The following ZNF641 variants were observed in gnomAD, a reference collection of about 807,000 sequenced individuals.
The protein encoded by ZNF641 is zinc finger protein 641.
ZNF641 carries 26 observed loss-of-function variants against 46.2 expected under a neutral mutation model. The ratio of observed to expected loss-of-function variants is 0.56; its 90% CI spans 0.41 to 0.78. The LOEUF (loss-of-function observed/expected upper bound fraction) is 0.78. Among genes scored for constraint, ZNF641 ranks in the 30% least tolerant of loss-of-function variants. The pLI is 0.00. For missense variants in ZNF641, 469 were observed against 517.8 expected, an observed-to-expected ratio of 0.91 and a Z score of 0.91; for synonymous variants, 163 against 187.9, an observed-to-expected ratio of 0.87 and a Z score of 1.09.
intron 2 of ZNF641, 83 bp downstream of exon 2, chr12:48,347,824 A>G (rs1245505424): frequency 7.3e-7 from 1 of 1,372,502 alleles, no homozygotes; most frequent in African/African-American, 1.4e-5. Context: ...GTCCATGGCA[A>G]TTTGGAGATT....
At position 48,345,909 on chromosome 12, in the gene ZNF641, C is replaced by T. The variant is rs936459478; in HGVS notation, c.277-435G>A. ...TTCTTTCTTGCCTCCCTTGCCACAG[C>T]ATTTTTTTTTTTTTGAGACGGAGTC... On this transcript the variant is annotated intron_variant, in intron 3 of 5. Transcript: ENST00000547026. Among the ~76,000 whole-genome samples, 24 of 92,490 alleles carry T rather than the reference C, an allele frequency of 2.6e-4. 2 individuals are homozygous for T. The highest frequency in any genetic ancestry group is 2.5e-3 in the Admixed American group (24 of 9,468). 60.7% of individuals were successfully genotyped at this position (92,490 alleles called of 152,430 possible).
In ZNF641 at chr12:48,344,704, T is replaced by A; in HGVS notation, c.415A>T (p.Ile139Phe). ...TGAGAAAGCATGTCCAGTTTGGGAA[T>A]TGGAAATCCTGCTCATGGGAAAGGA... ...CGIVVSLRFP[I>F]PKLDMLSQLE... is the part of the protein sequence containing the mutation. Residue 139 changes from isoleucine (I) to phenylalanine (F), a missense_variant, in exon 5 of 6, where the codon ATT (isoleucine) becomes TTT (phenylalanine). Ile to Phe is a conservative substitution (Grantham distance 21, BLOSUM62 0). This residue lies in a region of ZNF641 where 346 missense variants were observed against 354.0 expected (regional missense o/e 0.98). Transcript: ENST00000547026. 6.2e-7 allele frequency: 1 copy of A among 1,605,310 alleles called. No individual in the cohort carries two copies. The highest frequency in any genetic ancestry group is 8.5e-7 in the Non-Finnish European group (1 of 1,174,866).
chr12:48,349,644 C>T (rs1184529821), intron 1 of ZNF641, among the ~76,000 whole-genome samples: 1 of 152,200 alleles, frequency 6.6e-6, no homozygotes, highest in Non-Finnish European at 1.5e-5. Flanking sequence ...CTCATGGGAG[C>T]ACCCTGGACT....
chr12:48,350,979 G>A (rs1160024940), upstream of ZNF641: 2 of 382,244 alleles, frequency 5.2e-6, no homozygotes, highest in Admixed American at 6.4e-5. Context: ...CTGCGGCGGC[G>A]GAGGTGCGGG....
At position 48,343,534 on chromosome 12, in the gene ZNF641, C is replaced by A. The variant is rs1280145111; in HGVS notation, c.714G>T (p.Leu238=). ...ACAGGGAATCCATCTCTGTGCTACA[C>A]AGCAGGTTTGAGAAACTATCTTCCT... is the stretch of plus-strand genomic sequence containing the variant. ...FLQEDSFSNL[L]CSTEMDSLLR... The change falls in exon 6 of 6, where the codon CTG becomes CTT. Residue 238 remains leucine (L), a synonymous_variant. Coordinates refer to ENST00000547026, the MANE Select transcript of ZNF641 (RefSeq NM_001172681.2). 6.2e-7 allele frequency: 1 copy of A among 1,608,554 alleles called. No homozygotes were observed. Among genetic ancestry groups the A allele is most frequent in the African/African-American group, 1.3e-5 (1 of 74,776 alleles).
intron 3 of ZNF641, among the ~76,000 whole-genome samples, chr12:48,346,155 C>T (rs970763439): frequency 6.6e-6 from 1 of 152,084 alleles, no homozygotes; most frequent in African/African-American, 2.4e-5. Context: ...TTGCCCACCT[C>T]GGCCTCCCAA....
rs139611886 is a variant in ZNF641 at position 48,345,607 on chromosome 12, G to C, written c.277-133C>G. The C allele has an allele frequency of 3.5e-4, 377 of 1,074,316 alleles. 4 individuals carry two copies. The African/African-American group carries it at 5.5e-3, about 16-fold the overall frequency. The allele number at this position is 1,074,316 out of a possible 1,614,324, so 66.5% of individuals were successfully genotyped here. On this transcript the variant is annotated intron_variant, in intron 3 of 5. Coordinates refer to ENST00000547026, the MANE Select transcript of ZNF641 (RefSeq NM_001172681.2). ...AAAAGAGCTGCCCAGAAGTCCCTGGGTAGGGCACATAGTTTTGGTAACAGG... is the reference window on the plus strand; with the variant it reads ...AAAAGAGCTGCCCAGAAGTCCCTGGCTAGGGCACATAGTTTTGGTAACAGG...
intron 3 of ZNF641, among the ~76,000 whole-genome samples, chr12:48,345,694 G>C (rs1176639041): frequency 2.0e-5 from 3 of 152,240 alleles, no homozygotes; most frequent in Non-Finnish European, 4.4e-5. Context: ...GTTACTGGAG[G>C]AATTTCCCAA....
Position 48,341,757 on chromosome 12 carries a change from C to T in ZNF641, c.*1216G>A, listed in dbSNP as rs906942928. 1 of 985,456 alleles carries T rather than the reference C, an allele frequency of 1.0e-6. No individual in the cohort carries two copies. Among genetic ancestry groups the T allele is most frequent in the Non-Finnish European group, 1.2e-6 (1 of 829,944 alleles). The allele number at this position is 985,456 out of a possible 1,614,324, so 61.0% of individuals were successfully genotyped here. The stretch of plus-strand genomic sequence containing the variant: ...AATCAACAAGAAACAGCTCACCTCC[C>T]CAAAGACTCCTCTTTCTCTGCCAGG... On this transcript the variant is annotated 3_prime_UTR_variant, in exon 6 of 6. Coordinates refer to ENST00000547026, the MANE Select transcript of ZNF641 (RefSeq NM_001172681.2).
At chr12:48,345,591 GC>G in intron 3 of ZNF641, 117 bp from the exon 4 acceptor site, 2 of 1,318,294 alleles carry the variant, frequency 1.5e-6, no homozygotes, top group Non-Finnish European at 1.1e-6. Flanking sequence ...GAAAAGAGCT[GC>G]CCAGAAGTCC....
rs1222915558 is a variant in ZNF641 at position 48,339,551 on chromosome 12, A to G, written c.*3422T>C. On this transcript the variant is annotated 3_prime_UTR_variant, in exon 6 of 6. Coordinates refer to ENST00000547026, the MANE Select transcript of ZNF641 (RefSeq NM_001172681.2). ...GAAAAGAGGAAAATTTTGCTAGCTCAGGCTCTCTAAGGATCTAAAGGAATG... is the reference window on the plus strand; with the variant it reads ...GAAAAGAGGAAAATTTTGCTAGCTCGGGCTCTCTAAGGATCTAAAGGAATG... 1.3e-5 allele frequency: 2 copies of G among 152,174 alleles called. No homozygotes were observed. The highest frequency in any genetic ancestry group is 2.9e-5 in the Non-Finnish European group (2 of 68,044). 9.4% of individuals were successfully genotyped at this position (152,174 alleles called of 1,614,324 possible). A position where few individuals can be genotyped will look rare whatever the true frequency, so the allele number is the denominator to read the frequency against.
chr12:48,350,462 G>T, intron 1 of ZNF641: 2 of 219,574 alleles, frequency 9.1e-6, no homozygotes, highest in East Asian at 9.6e-5. Flanking sequence ...GGCAGAACTG[G>T]AGCAGGGGAA....
downstream of ZNF641, among the ~76,000 whole-genome samples, chr12:48,335,043 A>G (rs1395317798): frequency 6.6e-6 from 1 of 152,158 alleles, no homozygotes; most frequent in Non-Finnish European, 1.5e-5. Context: ...CCCCCCCACC[A>G]TGGGTTTCGC....
At chr12:48,337,135 G>A (rs1456063695), downstream of ZNF641, 1 of 152,278 alleles carries the variant, frequency 6.6e-6, no homozygotes, top group African/African-American at 2.4e-5. Flanking sequence ...GGAGCAAAGA[G>A]CAGGAATGGA....
At position 48,342,566 on chromosome 12, in the gene ZNF641, T is replaced by A; in HGVS notation, c.*407A>T. Reference sequence around the variant, plus strand: ...GAAATTTTCAGAGCCTTTAATATTCTAAAATGGCCTTTCTGTCTATATATA... The same window carrying A: ...GAAATTTTCAGAGCCTTTAATATTCAAAAATGGCCTTTCTGTCTATATATA... On this transcript the variant is annotated 3_prime_UTR_variant, in exon 6 of 6. Transcript: ENST00000547026. The A allele has an allele frequency of 2.2e-6, 1 of 461,808 alleles. No homozygotes were observed. The highest frequency in any genetic ancestry group is 2.9e-6 in the Non-Finnish European group (1 of 346,810). 28.6% of individuals were successfully genotyped at this position (461,808 alleles called of 1,614,324 possible).
chr12:48,341,940 C>G lies in ZNF641; in HGVS notation c.*1033G>C, dbSNP rs1952727717. 1 of 985,300 alleles carries G rather than the reference C, an allele frequency of 1.0e-6. No homozygotes were observed. Among genetic ancestry groups the G allele is most frequent in the Non-Finnish European group, 1.2e-6 (1 of 829,956 alleles). The allele number at this position is 985,300 out of a possible 1,614,324, so 61.0% of individuals were successfully genotyped here. A position where few individuals can be genotyped will look rare whatever the true frequency, so the allele number is the denominator to read the frequency against. On this transcript the variant is annotated 3_prime_UTR_variant, in exon 6 of 6. Coordinates refer to ENST00000547026, the MANE Select transcript of ZNF641 (RefSeq NM_001172681.2). ...AACCAGACTGCTTCCTGTCTTGAAA[C>G]AAAGAAAAAACCCCATATAATCCCC...
intron 3 of ZNF641, among the ~76,000 whole-genome samples, chr12:48,346,709 C>T (rs1014430494): frequency 3.3e-5 from 5 of 152,128 alleles, no homozygotes; most frequent in Non-Finnish European, 7.4e-5. Flanking sequence ...ACACAGCCAT[C>T]CATTAAAAAC....
chr12:48,350,780 A>T lies in ZNF641; in HGVS notation c.-26+6T>A. 1.0e-6 allele frequency: 1 copy of T among 977,076 alleles called. No individual in the cohort carries two copies. Among genetic ancestry groups the T allele is most frequent in the Non-Finnish European group, 1.2e-6 (1 of 822,698 alleles). 60.5% of individuals were successfully genotyped at this position (977,076 alleles called of 1,614,324 possible). On this transcript the variant is annotated splice_donor_region_variant and intron_variant, in intron 1 of 5. Transcript: ENST00000547026. ...CCGCAGCTCCCTCCGGCCCGGCTCC[A>T]CTCACCCCCGGTAGGCTTGGCCCGC...
At chr12:48,335,066 G>A (rs986843579), downstream of ZNF641, among the ~76,000 whole-genome samples, 1 of 152,214 alleles carries the variant, frequency 6.6e-6, no homozygotes, top group African/African-American at 2.4e-5. Flanking sequence ...AGGTGCTTGG[G>A]TAATAACCAA....
Sources: allele counts gnomAD v4.1 joint callset (sites outside exome capture counted in the v4.1 genomes callset), GRCh38; gene constraint gnomAD v4.1.1; regional missense constraint gnomAD v4.1.1; transcripts MANE v1.5; gene names NCBI Gene and HGNC (gene_info 2026-07-23, HGNC 2026-07-21).